The following SCYL3 variants were observed in gnomAD, a reference collection of about 807,000 sequenced individuals.
The protein encoded by SCYL3 is SCY1 like pseudokinase 3, also known as protein-associating with the carboxyl-terminal domain of ezrin.
SCYL3 carries 35 observed loss-of-function variants against 73.8 expected under a neutral mutation model. That is an observed-to-expected ratio of 0.47 (90% CI 0.36 to 0.63). The LOEUF (loss-of-function observed/expected upper bound fraction) is 0.63, where lower values mean the gene tolerates loss of function less well. SCYL3 is among the 20% of genes least tolerant of loss of function. The probability of loss-of-function intolerance (pLI) is 0.00; values close to 1 mark genes in which losing one functional copy is unlikely to be tolerated. For synonymous variants in SCYL3, 277 were observed against 295.2 expected, an observed-to-expected ratio of 0.94 and a Z score of 0.63; for missense variants, 712 against 798.9, an observed-to-expected ratio of 0.89 and a Z score of 1.31.
At position 169,851,470 on chromosome 1, in the gene SCYL3, T is replaced by C. The variant is rs961145790; in HGVS notation, c.*2243A>G. The C allele has an allele frequency of 1.6e-5, 3 of 182,336 alleles. No homozygotes were observed. The highest frequency in any genetic ancestry group is 7.1e-5 in the African/African-American group (3 of 42,176). The allele number at this position is 182,336 out of a possible 1,614,324, so 11.3% of individuals were successfully genotyped here. On this transcript the variant is annotated 3_prime_UTR_variant, in exon 13 of 13. Coordinates refer to ENST00000367771, the MANE Select transcript of SCYL3 (RefSeq NM_020423.7). ...CATTCCTCCCACCAAAGTCCTGGGA[T>C]TAGAGGCATGAGCCACCACACTTGG...
intron 2 of SCYL3, among the ~76,000 whole-genome samples, chr1:169,887,287 C>T (rs183278690): frequency 3.9e-5 from 6 of 152,186 alleles, no homozygotes; most frequent in South Asian, 2.1e-4. Context: ...TCTCAAGCTT[C>T]GCAATTCCTT....
At chr1:169,860,384 C>G (rs1413152530) in intron 10 of SCYL3, among the ~76,000 whole-genome samples, 2 of 152,254 alleles carry the variant, frequency 1.3e-5, no homozygotes, top group African/African-American at 2.4e-5. Flanking sequence ...TTCAAAGCAT[C>G]TGCACCAGCC....
At chr1:169,878,565 AC>A (rs1374764199) in intron 3 of SCYL3, 68 bp downstream of exon 3, 31 of 1,249,998 alleles carry the variant, frequency 2.5e-5, no homozygotes, top group Non-Finnish European at 3.2e-5. Context: ...TATAAGTATT[AC>A]CACACACATC....
At position 169,856,016 on chromosome 1, in the gene SCYL3, TCA is replaced by T. The variant is rs1045001921; in HGVS notation, c.1313-1054_1313-1053del. ...GGACAGTAAATTGCTTCTTGATCTA[TCA>T]CATGGTTGGTGGGCATAGTTAAGTG... On this transcript the variant is annotated intron_variant, in intron 11 of 12. Coordinates refer to ENST00000367771, the MANE Select transcript of SCYL3 (RefSeq NM_020423.7). 2.0e-6 allele frequency: 3 copies of T among 1,534,040 alleles called. No individual in the cohort carries two copies. The African/African-American group carries it at 4.1e-5, about 21-fold the overall frequency.
chr1:169,855,496 A>G (rs1659049329), intron 11 of SCYL3, among the ~76,000 whole-genome samples: 1 of 152,228 alleles, frequency 6.6e-6, no homozygotes, highest in African/African-American at 2.4e-5. Flanking sequence ...GCCCATTAAC[A>G]TCTTTCAAAA....
chr1:169,854,526 G>A lies in SCYL3; in HGVS notation c.1751C>T (p.Pro584Leu). ...GGGCCTTTCTTGTGATGACACTTTT[G>A]GCGGCTCGATTTGGTCTGCGTCATC... ...RGDDADQIEP[P>L]KVSSQERPLK... is the part of the protein sequence containing the mutation. Residue 584 changes from proline to leucine, a missense_variant, in exon 12 of 13, where the codon CCA (proline) becomes CTA (leucine). This residue lies in a region of SCYL3 where 370 missense variants were observed against 350.8 expected (regional missense o/e 1.05). Transcript: ENST00000367771. 1 of 1,613,894 alleles carries A rather than the reference G, an allele frequency of 6.2e-7. No individual in the cohort carries two copies. Among genetic ancestry groups the A allele is most frequent in the Non-Finnish European group, 8.5e-7 (1 of 1,179,946 alleles).
At chr1:169,854,101 C>T in intron 12 of SCYL3, 169 bp downstream of exon 12, 1 of 602,974 alleles carries the variant, frequency 1.7e-6, no homozygotes, top group Admixed American at 3.5e-5. Context: ...CTACATTTTT[C>T]TGGGGGAAGG....
intron 2 of SCYL3, among the ~76,000 whole-genome samples, chr1:169,883,029 C>T (rs1490126766): frequency 6.6e-6 from 1 of 152,158 alleles, no homozygotes; most frequent in Non-Finnish European, 1.5e-5. Context: ...CTCTTTGGGT[C>T]CACACTGCCT....
chr1:169,855,975 C>G (rs1328551011), intron 11 of SCYL3: 1 of 1,605,854 alleles, frequency 6.2e-7, no homozygotes, highest in African/African-American at 1.3e-5. Context: ...TAAATAAAAA[C>G]TCCAAAACAT....
chr1:169,891,968 A>C (rs1000522612), intron 1 of SCYL3, among the ~76,000 whole-genome samples: 17 of 152,242 alleles, frequency 1.1e-4, no homozygotes, highest in African/African-American at 3.9e-4. Context: ...AAGACTAAAA[A>C]AATCACTTAA....
intron 2 of SCYL3, among the ~76,000 whole-genome samples, chr1:169,883,229 C>T (rs1268968962): frequency 2.0e-5 from 3 of 152,078 alleles, no homozygotes; most frequent in African/African-American, 7.2e-5. Context: ...GACCAAGAAC[C>T]CACCAATTCC....
intron 5 of SCYL3, among the ~76,000 whole-genome samples, chr1:169,871,399 G>C (rs187424052): frequency 6.6e-4 from 100 of 152,318 alleles, no homozygotes; most frequent in African/African-American, 2.3e-3. Flanking sequence ...CTGCCACCAG[G>C]TGAGACGTGC....
intron 2 of SCYL3, among the ~76,000 whole-genome samples, chr1:169,882,224 A>G (rs12144122): frequency 0.066 from 10,019 of 152,248 alleles, 424 homozygotes; most frequent in Non-Finnish European, 0.1. Flanking sequence ...AGGCCCTGCC[A>G]CCCGGGGCAA....
At chr1:169,874,225 A>G (rs1296660242) in intron 4 of SCYL3, among the ~76,000 whole-genome samples, 2 of 152,210 alleles carry the variant, frequency 1.3e-5, no homozygotes, top group Non-Finnish European at 1.5e-5. Context: ...CATCCACAGA[A>G]TAAGCATATT....
chr1:169,867,012 T>A (rs753592131), intron 7 of SCYL3, 39 bp from the exon 8 acceptor site: 2 of 1,148,682 alleles, frequency 1.7e-6, no homozygotes, highest in Non-Finnish European at 2.6e-6. Context: ...CAGAACAGAT[T>A]AGAGAATGTT....
rs773923393 is a variant in SCYL3 at position 169,870,277 on chromosome 1, C to A, written c.603G>T (p.Leu201Phe). ...CACCCTGTTCATTTAAGATTGTGAGCAAACTTTCCACCAATGTTCCAAATG... is the reference window on the plus strand; with the variant it reads ...CACCCTGTTCATTTAAGATTGTGAGAAAACTTTCCACCAATGTTCCAAATG... ...AFSFGTLVES[L>F]LTILNEQVSA... The change falls in exon 6 of 13, where the codon TTG becomes TTT. Residue 201 changes from leucine to phenylalanine, a missense_variant. Around this residue, in one of 2 missense-constraint regions of SCYL3, gnomAD observed 342 missense variants for 448.1 expected, o/e 0.76. Coordinates refer to ENST00000367771, the MANE Select transcript of SCYL3 (RefSeq NM_020423.7). 1.1e-5 allele frequency: 17 copies of A among 1,613,208 alleles called. No homozygotes were observed. The highest frequency in any genetic ancestry group is 1.4e-5 in the Non-Finnish European group (16 of 1,179,412).
At chr1:169,868,849 C>A (rs1660209686) in intron 7 of SCYL3, 79 bp downstream of exon 7, 6 of 954,932 alleles carry the variant, frequency 6.3e-6, no homozygotes, top group East Asian at 5.2e-5. Flanking sequence ...AAAAACCCCC[C>A]ACTGCCACTT....
At chr1:169,885,350 T>C (rs1661603811) in intron 2 of SCYL3, among the ~76,000 whole-genome samples, 1 of 152,244 alleles carries the variant, frequency 6.6e-6, no homozygotes, top group South Asian at 2.1e-4. Flanking sequence ...CCTCAGAGGC[T>C]TAACTTTTTA....
chr1:169,859,329 A>G (rs1364951792), intron 10 of SCYL3, 117 bp from the exon 11 acceptor site: 2 of 984,018 alleles, frequency 2.0e-6, no homozygotes, highest in African/African-American at 3.3e-5. Context: ...ATTATCTTAG[A>G]TATGTGTTCC....
Sources: allele counts gnomAD v4.1 joint callset (sites outside exome capture counted in the v4.1 genomes callset), GRCh38; gene constraint gnomAD v4.1.1; regional missense constraint gnomAD v4.1.1; transcripts MANE v1.5; gene names NCBI Gene and HGNC (gene_info 2026-07-23, HGNC 2026-07-21).